Variants in PHF6 observed in about 807,000 individuals in gnomAD.
PHF6 encodes the protein PHD-like zinc finger protein.
A neutral mutation model predicts 34.0 loss-of-function variants in PHF6; 7 were observed. The observed-to-expected ratio is 0.21, with a 90% confidence interval of 0.12 to 0.39. The LOEUF is 0.39. PHF6 is among the 10% of genes least tolerant of loss of function. The pLI, the probability that PHF6 is intolerant of heterozygous loss-of-function variation, is 1.00. For missense variants in PHF6, 128 were observed against 262.8 expected, an observed-to-expected ratio of 0.49 and a Z score of 3.55; for synonymous variants, 89 against 88.4, an observed-to-expected ratio of 1.01 and a Z score of -0.04.
chrX:134,411,749 T>C (rs1286315739), intron 5 of PHF6, among the ~76,000 whole-genome samples: 1 of 111,752 alleles, frequency 8.9e-6, no homozygotes, highest in Non-Finnish European at 1.9e-5. Flanking sequence ...TAATTCTTTT[T>C]TGAGATGGAA....
chrX:134,399,848 C>T (rs1040683646), intron 5 of PHF6, among the ~76,000 whole-genome samples: 1 of 111,094 alleles, frequency 9.0e-6, no homozygotes, highest in Non-Finnish European at 1.9e-5. Context: ...TGGGTTTTGA[C>T]ATGTGTATAA....
chrX:134,421,358 A>T (rs1285062086), intron 9 of PHF6, among the ~76,000 whole-genome samples: 1 of 112,052 alleles, frequency 8.9e-6, no homozygotes, highest in Non-Finnish European at 1.9e-5. Flanking sequence ...TGGTTATATT[A>T]CTTCTCATTA....
At chrX:134,391,450 G>T (rs1490537302) in intron 3 of PHF6, among the ~76,000 whole-genome samples, 2 of 111,506 alleles carry the variant, frequency 1.8e-5, no homozygotes, top group Non-Finnish European at 3.8e-5. Flanking sequence ...GTTGAATAAG[G>T]CAAATTGCAT....
rs182741954 is a variant in PHF6 at position 134,428,675 on chromosome X, A to G, written c.*3015A>G. 6.2e-5 allele frequency: 9 copies of G among 144,555 alleles called. No individual in the cohort carries two copies. Among genetic ancestry groups the G allele is most frequent in the Middle Eastern group, 2.6e-3 (1 of 385 alleles). 11.9% of individuals were successfully genotyped at this position (144,555 alleles called of 1,213,427 possible). A position where few individuals can be genotyped will look rare whatever the true frequency, so the allele number is the denominator to read the frequency against. On this transcript the variant is annotated 3_prime_UTR_variant, in exon 11 of 11. Coordinates refer to ENST00000370803, the MANE Select transcript of PHF6 (RefSeq NM_001015877.2). ...ATCAAACATTCCTCTCATGTTATGT[A>G]TATTTTGTTCCTGTTATATTGGCTT...
chrX:134,389,334 A>G (rs1461866759), intron 3 of PHF6, among the ~76,000 whole-genome samples: 1 of 111,323 alleles, frequency 9.0e-6, no homozygotes, highest in East Asian at 2.8e-4. Flanking sequence ...TTTGAAAAAC[A>G]TGTTTCTGTC....
At chrX:134,374,972 A>T (rs1462128689) in intron 1 of PHF6, among the ~76,000 whole-genome samples, 1 of 112,046 alleles carries the variant, frequency 8.9e-6, no homozygotes, top group South Asian at 3.6e-4. Flanking sequence ...GCTGTGGATC[A>T]TTATGAACCC....
At chrX:134,414,049 ATTT>A in intron 7 of PHF6, 83 bp downstream of exon 7, 9 of 1,023,848 alleles carry the variant, frequency 8.8e-6, no homozygotes, top group South Asian at 2.1e-5. Flanking sequence ...AGCCCAAATG[ATTT>A]TTTTTTTAAA....
chrX:134,415,251 G>T, intron 8 of PHF6, 131 bp downstream of exon 8: 2 of 1,082,439 alleles, frequency 1.8e-6, no homozygotes, highest in South Asian at 4.0e-5. Context: ...GTATATATTT[G>T]ACTTATTTGT....
chrX:134,425,069 G>A (rs2077503621), intron 9 of PHF6, 132 bp from the exon 10 acceptor site: 1 of 728,511 alleles, frequency 1.4e-6, no homozygotes, highest in Non-Finnish European at 2.1e-6. Context: ...TAACTAATTG[G>A]GGAGTATTTT....
chrX:134,393,460 A>G (rs2077363468), intron 3 of PHF6, 41 bp from the exon 4 acceptor site: 1 of 1,196,921 alleles, frequency 8.4e-7, no homozygotes, highest in South Asian at 1.8e-5. Context: ...CAGCCTTAGA[A>G]AGTCACATAC....
rs974790146 is a variant in PHF6, at chrX:134,381,987, A to G, written c.240+3881A>G. Among the ~76,000 whole-genome samples, 6 of 111,586 alleles carry G rather than the reference A, an allele frequency of 5.4e-5. No homozygotes were observed. In the East Asian group the frequency reaches 1.7e-3, roughly 31 times the overall value. On this transcript the variant is annotated intron_variant, in intron 3 of 10. Transcript: ENST00000370803. ...ACTCCAAAGTTGCTCGCTTGCCCCAAAGAAAAGAACAGAGAGATAAGGAGG... is the reference window on the plus strand; with the variant it reads ...ACTCCAAAGTTGCTCGCTTGCCCCAGAGAAAAGAACAGAGAGATAAGGAGG...
chrX:134,419,152 A>G (rs1208529395), intron 9 of PHF6: 2 of 111,655 alleles, frequency 1.8e-5, no homozygotes, highest in Admixed American at 9.6e-5. Flanking sequence ...CCCAGCCACA[A>G]TCTCACTTTT....
intron 5 of PHF6, among the ~76,000 whole-genome samples, chrX:134,397,036 T>C (rs2077380394): frequency 8.9e-6 from 1 of 111,844 alleles, no homozygotes; most frequent in African/African-American, 3.2e-5. Context: ...TATAATTCAT[T>C]CTGCCATGTT....
At chrX:134,394,003 T>G in intron 5 of PHF6, 51 bp downstream of exon 5, 1 of 1,053,777 alleles carries the variant, frequency 9.5e-7, no homozygotes, top group African/African-American at 1.8e-5. Flanking sequence ...AGAAGAAATT[T>G]GAGTACAGAT....
At chrX:134,379,427 CTTTTCTTT>C (rs2077294834) in intron 3 of PHF6, among the ~76,000 whole-genome samples, 2 of 51,658 alleles carry the variant, frequency 3.9e-5, no homozygotes, top group East Asian at 7.3e-4. Flanking sequence ...CTTTTCTTTT[CTTTTCTTT>C]TTTTTTTTTT....
At chrX:134,420,305 C>G (rs1445376931) in intron 9 of PHF6, 1 of 75,880 alleles carries the variant, frequency 1.3e-5, no homozygotes, top group African/African-American at 5.6e-5. Context: ...GAAACTCTGT[C>G]TCAAAAAAAA....
At chrX:134,406,332 C>T in intron 5 of PHF6, among the ~76,000 whole-genome samples, 1 of 110,979 alleles carries the variant, frequency 9.0e-6, no homozygotes, top group South Asian at 3.7e-4. Context: ...TCCCATTTGA[C>T]ACATGAAGAC....
chrX:134,421,259 A>G (rs2077490695), intron 9 of PHF6, among the ~76,000 whole-genome samples: 1 of 109,783 alleles, frequency 9.1e-6, no homozygotes, highest in Non-Finnish European at 1.9e-5. Flanking sequence ...CTCCTTCCAC[A>G]TATGTGTGTG....
chrX:134,423,325 G>A (rs1306346355), intron 9 of PHF6, among the ~76,000 whole-genome samples: 3 of 111,647 alleles, frequency 2.7e-5, no homozygotes, highest in Non-Finnish European at 3.8e-5. Context: ...TTATTGAAGA[G>A]CCTCGATAAA....
Sources: allele counts gnomAD v4.1 joint callset (sites outside exome capture counted in the v4.1 genomes callset), GRCh38; gene constraint gnomAD v4.1.1; transcripts MANE v1.5; gene names NCBI Gene and HGNC (gene_info 2026-07-23, HGNC 2026-07-21).